LRRC7: variants seen among roughly 807,000 people sequenced by gnomAD.
LRRC7 encodes the protein leucine-rich repeat-containing protein 7.
Under a neutral mutation model 175.7 loss-of-function variants are expected in LRRC7, and 23 were observed. That is an observed-to-expected ratio of 0.13 (90% CI 0.09 to 0.19). The LOEUF (loss-of-function observed/expected upper bound fraction) is 0.19, where lower values mean the gene tolerates loss of function less well. Among genes scored for constraint, LRRC7 ranks in the 10% least tolerant of loss-of-function variants. LRRC7 has a pLI of 1.00. For missense variants in LRRC7, 1,354 were observed against 1,904.7 expected (o/e 0.71, Z 5.38); for synonymous variants, 685 against 680.9 (o/e 1.01, Z -0.09).
chr1:69,886,135 G>A lies in LRRC7; in HGVS notation c.648-45372G>A, dbSNP rs1245639175. ...AGTTCTGTAGATGTCTATTAGGTCC[G>A]GTTGGTGCAGAGCTGAGTTCAATTC... On this transcript the variant is annotated intron_variant, in intron 7 of 26. Coordinates refer to ENST00000651989, the MANE Select transcript of LRRC7 (RefSeq NM_001370785.2). Among the ~76,000 whole-genome samples the A allele has an allele frequency of 2.4e-3, 363 of 151,552 alleles. 1 individual carries two copies. Among genetic ancestry groups the A allele is most frequent in the Non-Finnish European group, 3.2e-3 (220 of 67,768 alleles).
chr1:69,926,944 A>G (rs1177045298), intron 7 of LRRC7, among the ~76,000 whole-genome samples: 1 of 152,126 alleles, frequency 6.6e-6, no homozygotes, highest in East Asian at 1.9e-4. Flanking sequence ...AGTGGCTGGT[A>G]CCGGTTGTTC....
intron 2 of LRRC7, among the ~76,000 whole-genome samples, chr1:69,722,483 T>C (rs1047032659): frequency 6.6e-6 from 1 of 152,030 alleles, no homozygotes; most frequent in Non-Finnish European, 1.5e-5. Flanking sequence ...TACAGCTTCT[T>C]CCAAATTTTT....
chr1:69,914,387 C>A (rs1646625051), intron 7 of LRRC7, among the ~76,000 whole-genome samples: 1 of 152,098 alleles, frequency 6.6e-6, no homozygotes, highest in South Asian at 2.1e-4. Flanking sequence ...GCATAAATTC[C>A]ATCACTGCTT....
Position 70,129,356 on chromosome 1 carries a change from C to A in LRRC7, c.*7469C>A, listed in dbSNP as rs1666575088. Among the ~76,000 whole-genome samples, 1 of 151,932 alleles carries A rather than the reference C, an allele frequency of 6.6e-6. No individual in the cohort carries two copies. The highest frequency in any genetic ancestry group is 2.1e-4 in the South Asian group (1 of 4,804). ...TGGCAAGTGTGAATGCCTTGCTAGA[C>A]AAGATAAATAGCAACCAGAATCTCT... On this transcript the variant is annotated 3_prime_UTR_variant, in exon 27 of 27. Transcript: ENST00000651989.
At chr1:70,018,850 T>G in intron 15 of LRRC7, 32 bp downstream of exon 15, 1 of 1,481,248 alleles carries the variant, frequency 6.8e-7, no homozygotes, top group Non-Finnish European at 9.4e-7. Flanking sequence ...CTTCTCTACT[T>G]ATAATGATTA....
chr1:69,706,015 C>G (rs1224449452), intron 2 of LRRC7, among the ~76,000 whole-genome samples: 1 of 152,134 alleles, frequency 6.6e-6, no homozygotes, highest in Non-Finnish European at 1.5e-5. Flanking sequence ...ACCTAGCACA[C>G]AGGATGCAAC....
chr1:69,948,156 T>C (rs986877086), intron 8 of LRRC7, among the ~76,000 whole-genome samples: 2 of 152,174 alleles, frequency 1.3e-5, no homozygotes, highest in Non-Finnish European at 2.9e-5. Context: ...TATAAATAGT[T>C]TGTTTCTGGA....
intron 3 of LRRC7, among the ~76,000 whole-genome samples, chr1:69,770,506 T>C (rs577527992): frequency 2.6e-5 from 4 of 152,236 alleles, no homozygotes; most frequent in African/African-American, 4.8e-5. Flanking sequence ...AAAACTTGAA[T>C]GATCATTGAT....
In LRRC7 at chr1:69,855,395, T is replaced by A. The variant is rs1025740344; in HGVS notation, c.647+17112T>A. 2.6e-5 allele frequency among the ~76,000 whole-genome samples: 4 copies of A among 152,188 alleles called. No homozygotes were observed. In the East Asian group the frequency reaches 7.7e-4, roughly 29 times the overall value. On this transcript the variant is annotated intron_variant, in intron 7 of 26. Coordinates refer to ENST00000651989, the MANE Select transcript of LRRC7 (RefSeq NM_001370785.2). Reference sequence around the variant, plus strand: ...CATTTTGTTATGTACCCAGTAGTCATTCAGGAGCAGGTTGTTCAGTTTCCA... The same window carrying A: ...CATTTTGTTATGTACCCAGTAGTCAATCAGGAGCAGGTTGTTCAGTTTCCA...
intron 2 of LRRC7, among the ~76,000 whole-genome samples, chr1:69,752,179 G>T (rs1031935335): frequency 4.6e-5 from 7 of 152,070 alleles, no homozygotes; most frequent in Non-Finnish European, 8.8e-5. Context: ...GTACTTGAGG[G>T]TAGGTAATGA....
In LRRC7 at chr1:69,760,407, A is replaced by C; in HGVS notation, c.303+14A>C. 1 of 1,595,858 alleles carries C rather than the reference A, an allele frequency of 6.3e-7. No individual in the cohort carries two copies. Among genetic ancestry groups the C allele is most frequent in the East Asian group, 2.2e-5 (1 of 44,690 alleles). On this transcript the variant is annotated intron_variant, in intron 3 of 26. Transcript: ENST00000651989. ...GAACTACCCAAGGTAACTTTTGACA[A>C]CCTAAAATATACAATGTAAATGAGT... is the stretch of plus-strand genomic sequence containing the variant.
At chr1:69,916,660 A>G (rs1646726621) in intron 7 of LRRC7, among the ~76,000 whole-genome samples, 1 of 152,040 alleles carries the variant, frequency 6.6e-6, no homozygotes, top group Non-Finnish European at 1.5e-5. Flanking sequence ...CTCTTTGTAA[A>G]TATTCTAGAA....
At chr1:69,976,509 A>G (rs558054457) in intron 8 of LRRC7, among the ~76,000 whole-genome samples, 122 of 152,224 alleles carry the variant, frequency 8.0e-4, no homozygotes, top group Non-Finnish European at 1.5e-3. Context: ...CCCAAGATCA[A>G]TACTTTGCAT....
chr1:69,993,044 A>C (rs559976153), intron 10 of LRRC7, among the ~76,000 whole-genome samples: 2 of 152,204 alleles, frequency 1.3e-5, no homozygotes, highest in African/African-American at 4.8e-5. Flanking sequence ...AAACTTAGCT[A>C]TAAGTCATAC....
chr1:69,753,762 C>G (rs1179975555), intron 2 of LRRC7, among the ~76,000 whole-genome samples: 2 of 151,940 alleles, frequency 1.3e-5, no homozygotes, highest in African/African-American at 4.8e-5. Flanking sequence ...TCTCTAGCCT[C>G]ATAAAACTTT....
At chr1:69,577,623 T>G (rs1402998232) in intron 1 of LRRC7, among the ~76,000 whole-genome samples, 8 of 152,152 alleles carry the variant, frequency 5.3e-5, no homozygotes, top group Non-Finnish European at 2.9e-5. Flanking sequence ...CCAGCACCAT[T>G]TATTAAATAG....
In LRRC7 at chr1:70,135,455, G is replaced by A. The variant is rs1666829370; in HGVS notation, c.*13568G>A. Among the ~76,000 whole-genome samples the A allele has an allele frequency of 1.3e-5, 2 of 152,140 alleles. No individual in the cohort carries two copies. The highest frequency in any genetic ancestry group is 4.1e-4 in the South Asian group (2 of 4,834). On this transcript the variant is annotated 3_prime_UTR_variant, in exon 27 of 27. Transcript: ENST00000651989. ...ACAAATGGAAATATCATCTAGGCTG[G>A]GTTGGGGTGCAGGACCCCCAGCAGC...
chr1:69,670,182 G>A (rs564797443), intron 1 of LRRC7, among the ~76,000 whole-genome samples: 4 of 152,060 alleles, frequency 2.6e-5, no homozygotes, highest in African/African-American at 9.7e-5. Flanking sequence ...GATATTTATT[G>A]TAGCTGTCAA....
At chr1:69,687,547 A>G (rs1661335368) in intron 2 of LRRC7, among the ~76,000 whole-genome samples, 1 of 150,390 alleles carries the variant, frequency 6.6e-6, no homozygotes, top group Non-Finnish European at 1.5e-5. Context: ...AAGAAAAAAG[A>G]AAAAGAAAAG....
Sources: allele counts gnomAD v4.1 joint callset (sites outside exome capture counted in the v4.1 genomes callset), GRCh38; gene constraint gnomAD v4.1.1; transcripts MANE v1.5; gene names NCBI Gene and HGNC (gene_info 2026-07-23, HGNC 2026-07-21).